The following TRDN variants were observed in gnomAD, a reference collection of about 807,000 sequenced individuals.
TRDN encodes the protein triadin.
TRDN carries 161 observed loss-of-function variants against 149.7 expected under a neutral mutation model. The observed-to-expected ratio is 1.08, with a 90% CI of 0.95 to 1.23. The LOEUF is 1.23. Among genes scored for constraint, TRDN ranks in the 50% most tolerant of loss-of-function variants. The pLI, the probability that TRDN is intolerant of heterozygous loss-of-function variation, is 0.00. For missense variants in TRDN, 896 were observed against 823.5 expected (o/e 1.09, Z -1.08); for synonymous variants, 294 against 250.5 (o/e 1.17, Z -1.64).
intron 1 of TRDN, among the ~76,000 whole-genome samples, chr6:123,590,309 T>G (rs1783716847): frequency 6.6e-6 from 1 of 152,280 alleles, no homozygotes; most frequent in African/African-American, 2.4e-5. Flanking sequence ...GGAATCTAGG[T>G]TGTTGGTTCC....
At chr6:123,221,199 G>A (rs533972326) in intron 40 of TRDN, among the ~76,000 whole-genome samples, 74 of 151,844 alleles carry the variant, frequency 4.9e-4, no homozygotes, top group Non-Finnish European at 8.9e-4. Context: ...ACACATTTAA[G>A]CATAGATTCA....
chr6:123,357,009 T>C (rs1307730846), intron 20 of TRDN, among the ~76,000 whole-genome samples: 16 of 151,868 alleles, frequency 1.1e-4, no homozygotes, highest in African/African-American at 3.9e-4. Context: ...TCCTTCTACT[T>C]TCCTTGGGTT....
At chr6:123,565,627 T>C (rs1457769814) in intron 2 of TRDN, among the ~76,000 whole-genome samples, 6 of 152,158 alleles carry the variant, frequency 3.9e-5, no homozygotes, top group Admixed American at 1.3e-4. Flanking sequence ...AATGTGGCAA[T>C]AATGAAGCCA....
chr6:123,239,684 T>C (rs1165589212), intron 38 of TRDN, among the ~76,000 whole-genome samples: 1 of 152,080 alleles, frequency 6.6e-6, no homozygotes. Flanking sequence ...GGAAATTAAA[T>C]ATGCTTAACA....
At chr6:123,322,087 C>T (rs1184940634) in intron 23 of TRDN, among the ~76,000 whole-genome samples, 2 of 152,150 alleles carry the variant, frequency 1.3e-5, no homozygotes, top group African/African-American at 2.4e-5. Context: ...TAGCCACATC[C>T]ATATGGTCTT....
chr6:123,485,823 T>A (rs9490784), intron 9 of TRDN, among the ~76,000 whole-genome samples: 5,903 of 152,244 alleles, frequency 0.039, 335 homozygotes, highest in African/African-American at 0.12. Context: ...TTTTCTTATA[T>A]AATTAATTCT....
chr6:123,340,422 A>G (rs1351299736), intron 21 of TRDN, among the ~76,000 whole-genome samples: 1 of 152,084 alleles, frequency 6.6e-6, no homozygotes, highest in Non-Finnish European at 1.5e-5. Flanking sequence ...TGTTAATACA[A>G]ATATTTTGTT....
At chr6:123,556,121 T>G (rs1781641026) in intron 2 of TRDN, among the ~76,000 whole-genome samples, 1 of 152,170 alleles carries the variant, frequency 6.6e-6, no homozygotes, top group Non-Finnish European at 1.5e-5. Context: ...AGAGCACCTT[T>G]CAGATGCTTT....
At chr6:123,264,595 C>G (rs1776875878) in intron 33 of TRDN, among the ~76,000 whole-genome samples, 1 of 152,078 alleles carries the variant, frequency 6.6e-6, no homozygotes, top group Non-Finnish European at 1.5e-5. Flanking sequence ...TTTGAGATGA[C>G]TGACTCCAAT....
chr6:123,573,544 G>A (rs887495048), intron 1 of TRDN, among the ~76,000 whole-genome samples: 1 of 152,002 alleles, frequency 6.6e-6, no homozygotes, highest in Non-Finnish European at 1.5e-5. Flanking sequence ...GCAGGCATTT[G>A]TTTCCATTTA....
At chr6:123,294,154 A>G (rs551236542) in intron 24 of TRDN, among the ~76,000 whole-genome samples, 4 of 152,298 alleles carry the variant, frequency 2.6e-5, no homozygotes, top group East Asian at 1.9e-4. Flanking sequence ...TAAAGTTAAT[A>G]ATAAAACATG....
At chr6:123,412,911 A>C (rs968211019) in intron 12 of TRDN, among the ~76,000 whole-genome samples, 4 of 152,184 alleles carry the variant, frequency 2.6e-5, no homozygotes, top group Non-Finnish European at 5.9e-5. Flanking sequence ...GCTAATTTAG[A>C]CCTTGACAGC....
chr6:123,275,220 G>T (rs1192404526), intron 26 of TRDN, among the ~76,000 whole-genome samples: 2 of 152,018 alleles, frequency 1.3e-5, no homozygotes, highest in East Asian at 1.9e-4. Flanking sequence ...TGGAAATAGG[G>T]TTGCTACTGA....
chr6:123,497,143 T>C, intron 9 of TRDN, 50 bp downstream of exon 9: 2 of 1,411,814 alleles, frequency 1.4e-6, no homozygotes, highest in East Asian at 5.4e-5. Flanking sequence ...CCCACAATCT[T>C]AGAAACAAAG....
chr6:123,478,477 ATTTC>A (rs1252891911), intron 9 of TRDN, among the ~76,000 whole-genome samples: 38 of 152,294 alleles, frequency 2.5e-4, no homozygotes, highest in African/African-American at 7.2e-4. Context: ...TCTGAACAAT[ATTTC>A]TATCAACTCC....
At chr6:123,409,229 T>C (rs904297258) in intron 12 of TRDN, among the ~76,000 whole-genome samples, 1 of 152,160 alleles carries the variant, frequency 6.6e-6, no homozygotes, top group Admixed American at 6.5e-5. Context: ...ACCTATAAAG[T>C]TCACAGTACT....
chr6:123,292,632 C>A (rs548090345), intron 24 of TRDN, among the ~76,000 whole-genome samples: 42 of 152,244 alleles, frequency 2.8e-4, no homozygotes, highest in Admixed American at 4.6e-4. Context: ...TCAACTACAA[C>A]CAAAATGGAA....
chr6:123,254,320 G>A (rs889151529), intron 37 of TRDN, among the ~76,000 whole-genome samples: 3 of 151,902 alleles, frequency 2.0e-5, no homozygotes, highest in Non-Finnish European at 2.9e-5. Flanking sequence ...ACGTGTGAAA[G>A]GTATGTCTAG....
chr6:123,503,444 T>A (rs777484814), intron 8 of TRDN: 19 of 985,162 alleles, frequency 1.9e-5, no homozygotes, highest in Non-Finnish European at 2.3e-5. Context: ...TCAACATTTA[T>A]CCCCAATCTT....
Sources: gnomAD v4.1 joint callset for allele counts (sites outside exome capture counted in the v4.1 genomes callset) on GRCh38, gnomAD v4.1.1 for gene constraint, MANE v1.5 for transcripts, NCBI Gene and HGNC (gene_info 2026-07-23, HGNC 2026-07-21) for gene names.